The following RAP1A variants were observed in gnomAD, a reference collection of about 807,000 sequenced individuals.
RAP1A encodes ras-related protein Rap-1A.
A neutral mutation model predicts 26.4 loss-of-function variants in RAP1A; 6 were observed. The observed-to-expected ratio is 0.23, with a 90% CI of 0.12 to 0.45. RAP1A has a LOEUF of 0.45. RAP1A is among the 20% of genes least tolerant of loss of function. RAP1A has a pLI of 0.99. For synonymous variants in RAP1A, 73 were observed against 79.4 expected (o/e 0.92, Z 0.43); for missense variants, 121 against 217.2 (o/e 0.56, Z 2.78).
chr1:111,544,417 T>C (rs1656962239), intron 1 of RAP1A, among the ~76,000 whole-genome samples: 1 of 152,230 alleles, frequency 6.6e-6, no homozygotes, highest in Admixed American at 6.5e-5. Flanking sequence ...TCTATGGATT[T>C]GACTATTTTG....
At chr1:111,632,650 TGCC>T (rs1659601726) in intron 1 of RAP1A, among the ~76,000 whole-genome samples, 1 of 152,072 alleles carries the variant, frequency 6.6e-6, no homozygotes, top group South Asian at 2.1e-4. Context: ...TGGTGGCTCA[TGCC>T]TGTAATCCCA....
chr1:111,602,070 GTTCA>G (rs1440723920), intron 1 of RAP1A: 1 of 152,220 alleles, frequency 6.6e-6, no homozygotes, highest in African/African-American at 2.4e-5. Flanking sequence ...AAAGAAATGT[GTTCA>G]TTCAGTGAAT....
intron 1 of RAP1A, among the ~76,000 whole-genome samples, chr1:111,576,630 T>G (rs1658151573): frequency 6.6e-6 from 1 of 152,206 alleles, no homozygotes; most frequent in Admixed American, 6.5e-5. Context: ...TTGCTGCTCC[T>G]CTGGAAGGGT....
intron 6 of RAP1A, 67 bp downstream of exon 6, chr1:111,704,553 CT>C: frequency 6.9e-7 from 1 of 1,439,764 alleles, no homozygotes; most frequent in Non-Finnish European, 9.3e-7. Flanking sequence ...AACAGCCAGA[CT>C]TTTAAGAAAA....
At chr1:111,599,849 GGGGGC>G (rs1658636841) in intron 1 of RAP1A, 1 of 152,114 alleles carries the variant, frequency 6.6e-6, no homozygotes, top group African/African-American at 2.4e-5. Flanking sequence ...ATTGGATCAC[GGGGGC>G]GGCAGGGGGA....
intron 3 of RAP1A, among the ~76,000 whole-genome samples, chr1:111,696,895 C>A (rs1220496462): frequency 6.6e-6 from 1 of 152,044 alleles, no homozygotes; most frequent in African/African-American, 2.4e-5. Flanking sequence ...TAGCTCATTG[C>A]TGTTTATTTT....
chr1:111,607,174 C>T (rs1264809052), intron 1 of RAP1A, among the ~76,000 whole-genome samples: 5 of 151,218 alleles, frequency 3.3e-5, no homozygotes, highest in Non-Finnish European at 4.4e-5. Flanking sequence ...TGCGGCCTTC[C>T]GCAGTGTTTG....
At chr1:111,563,780 G>A in intron 1 of RAP1A, 4 of 1,163,754 alleles carry the variant, frequency 3.4e-6, no homozygotes, top group Non-Finnish European at 5.1e-6. Flanking sequence ...GTTCCAAAGT[G>A]GTCAGTATGC....
chr1:111,573,627 GC>G (rs1436370040), intron 1 of RAP1A, among the ~76,000 whole-genome samples: 1 of 151,964 alleles, frequency 6.6e-6, no homozygotes, highest in Non-Finnish European at 1.5e-5. Flanking sequence ...GAGCCACTGC[GC>G]CCGGCCTTGA....
chr1:111,627,529 A>C (rs72695278), intron 1 of RAP1A: 1 of 151,828 alleles, frequency 6.6e-6, no homozygotes, highest in Admixed American at 6.6e-5. Flanking sequence ...GTATAAGAGT[A>C]TGTGTCTCAC....
Position 111,557,432 on chromosome 1 carries a change from C to T in RAP1A, c.-28+14923C>T, listed in dbSNP as rs533259751. Among the ~76,000 whole-genome samples, 9 of 152,060 alleles carry T rather than the reference C, an allele frequency of 5.9e-5. No homozygotes were observed. In the South Asian group the frequency reaches 1.9e-3, roughly 32 times the overall value. On this transcript the variant is annotated intron_variant, in intron 1 of 7. Transcript: ENST00000356415. ...GAGCATGGTGGGACCCGCCTGTAGT[C>T]CCAGCTACTCGGGAGGCTGAAGCAG...
At chr1:111,639,714 A>G (rs570871300) in intron 1 of RAP1A, among the ~76,000 whole-genome samples, 12 of 152,300 alleles carry the variant, frequency 7.9e-5, no homozygotes, top group African/African-American at 2.9e-4. Flanking sequence ...AATAAATATA[A>G]AAAATGGTAG....
At chr1:111,606,755 C>G (rs1032469752) in intron 1 of RAP1A, among the ~76,000 whole-genome samples, 1 of 152,208 alleles carries the variant, frequency 6.6e-6, no homozygotes, top group African/African-American at 2.4e-5. Flanking sequence ...GCTCTGTTCT[C>G]ACTTTACAGG....
chr1:111,598,145 C>G (rs1380862862), intron 1 of RAP1A, among the ~76,000 whole-genome samples: 1 of 152,184 alleles, frequency 6.6e-6, no homozygotes, highest in African/African-American at 2.4e-5. Flanking sequence ...TTGAAAATCC[C>G]TGTTCTTTCT....
chr1:111,543,197 A>G lies in RAP1A; in HGVS notation c.-28+688A>G, dbSNP rs546181108. On this transcript the variant is annotated intron_variant, in intron 1 of 7. Coordinates refer to the RAP1A transcript ENST00000356415. ...AACTATGAAGTATAGTTTTTAGAAT[A>G]TTTTCACTGATGAAAGATCAAACTA... Among the ~76,000 whole-genome samples the G allele has an allele frequency of 8.5e-5, 13 of 152,156 alleles. No homozygotes were observed. In the South Asian group the frequency reaches 1.0e-3, roughly 12 times the overall value.
intron 1 of RAP1A, among the ~76,000 whole-genome samples, chr1:111,668,746 G>C (rs1660877142): frequency 6.6e-6 from 1 of 152,054 alleles, no homozygotes; most frequent in Admixed American, 6.6e-5. Flanking sequence ...GAAATATATA[G>C]GCTGTATGCG....
chr1:111,604,663 T>C (rs1658736623), intron 1 of RAP1A: 1 of 152,240 alleles, frequency 6.6e-6, no homozygotes, highest in Non-Finnish European at 1.5e-5. Context: ...GGTGCCCTTT[T>C]CCTTGTTCTT....
chr1:111,605,791 GC>G (rs1372389689), intron 1 of RAP1A, among the ~76,000 whole-genome samples: 1 of 152,220 alleles, frequency 6.6e-6, no homozygotes, highest in African/African-American at 2.4e-5. Flanking sequence ...TTGCTCAGAT[GC>G]AATTTGTTCA....
intron 1 of RAP1A, among the ~76,000 whole-genome samples, chr1:111,620,634 CT>C (rs1336612870): frequency 6.6e-6 from 1 of 152,230 alleles, no homozygotes; most frequent in African/African-American, 2.4e-5. Context: ...CTTCCAGCCC[CT>C]TTCCCGCCTT....
Sources: gnomAD v4.1 joint callset for allele counts (sites outside exome capture counted in the v4.1 genomes callset) on GRCh38, gnomAD v4.1.1 for gene constraint, MANE v1.5 for transcripts, NCBI Gene and HGNC (gene_info 2026-07-23, HGNC 2026-07-21) for gene names.